TMEM272: variants seen among roughly 807,000 people sequenced by gnomAD.
TMEM272 encodes transmembrane protein 272, also known as long intergenic non-protein coding RNA 282.
Under a neutral mutation model 3.7 loss-of-function variants are expected in TMEM272, and 8 were observed. The ratio of observed to expected loss-of-function variants is 2.17; its 90% CI spans 1.27 to 3.91. The LOEUF is 3.91. TMEM272 is among the 30% of genes most tolerant of loss of function. The pLI, the probability that TMEM272 is intolerant of heterozygous loss-of-function variation, is 0.00. For synonymous variants in TMEM272, 63 were observed against 39.8 expected (o/e 1.58, Z -2.20); for missense variants, 166 against 91.5 (o/e 1.81, Z -3.32).
chr13:51,923,322 A>G, the TMEM272 span, among the ~76,000 whole-genome samples: 1 of 152,152 alleles, frequency 6.6e-6, no homozygotes, highest in East Asian at 1.9e-4. Flanking sequence ...ACCTCTCCGG[A>G]GACAGAATGC....
chr13:51,818,381 T>C (rs1956052377), intron 4 of TMEM272, among the ~76,000 whole-genome samples: 1 of 152,186 alleles, frequency 6.6e-6, no homozygotes, highest in African/African-American at 2.4e-5. Context: ...TTGTTCCATT[T>C]AAAATTTTGG....
the TMEM272 span, among the ~76,000 whole-genome samples, chr13:51,894,913 G>C: frequency 2.0e-5 from 3 of 151,938 alleles, no homozygotes; most frequent in Admixed American, 2.0e-4. Context: ...GGTCCCATCT[G>C]GGGGTCATGG....
chr13:51,861,435 G>A, the TMEM272 span, among the ~76,000 whole-genome samples: 29 of 152,000 alleles, frequency 1.9e-4, 1 homozygote, highest in Admixed American at 1.9e-3. Context: ...TTTACTACAT[G>A]ACAAAAATTC....
intron 3 of TMEM272, 115 bp from the exon 4 acceptor site, chr13:51,822,252 T>C: frequency 4.9e-6 from 3 of 606,882 alleles, no homozygotes; most frequent in Admixed American, 2.9e-5. Flanking sequence ...GCAAACCATA[T>C]GCTTGTGGGA....
chr13:51,826,382 G>A (rs1030212631), intron 3 of TMEM272, among the ~76,000 whole-genome samples, 184 bp downstream of exon 3: 4 of 152,128 alleles, frequency 2.6e-5, no homozygotes, highest in African/African-American at 4.8e-5. Flanking sequence ...CCAGGGCGGG[G>A]CCCAGGAATG....
the TMEM272 span, among the ~76,000 whole-genome samples, chr13:51,856,137 A>G: frequency 6.6e-6 from 1 of 152,204 alleles, no homozygotes; most frequent in South Asian, 2.1e-4. Context: ...AGTGTTGAAA[A>G]TGATTCACAT....
Position 51,822,783 on chromosome 13 carries a change from G to A in TMEM272, c.119-646C>T, listed in dbSNP as rs375961270. On this transcript the variant is annotated intron_variant, in intron 3 of 4. Coordinates refer to ENST00000629372, the MANE Select transcript of TMEM272 (RefSeq NM_001351003.2). ...GAGTACTACCAAGCCAGCCTACCCA[G>A]TCTACCCTTTCTTAATGGTAGTTTT... Among the ~76,000 whole-genome samples, 43 of 152,326 alleles carry A rather than the reference G, an allele frequency of 2.8e-4. No individual in the cohort carries two copies. The East Asian group carries it at 4.4e-3, about 16-fold the overall frequency.
At chr13:51,883,246 C>T in the TMEM272 span, among the ~76,000 whole-genome samples, 138,263 of 152,242 alleles carry the variant, frequency 0.91, 63,097 homozygotes, top group East Asian at 0.97. Context: ...AATGGGGGCA[C>T]GTTACAGCTC....
chr13:51,856,669 C>G, the TMEM272 span, among the ~76,000 whole-genome samples: 8 of 152,044 alleles, frequency 5.3e-5, no homozygotes, highest in African/African-American at 1.9e-4. Context: ...CTTCAAATCC[C>G]AAGCATGAAA....
upstream of TMEM272, among the ~76,000 whole-genome samples, chr13:51,846,281 C>T (rs1476472834): frequency 1.3e-5 from 2 of 152,164 alleles, no homozygotes; most frequent in African/African-American, 4.8e-5. Flanking sequence ...ATGTTTCAGT[C>T]AATGATGGAC....
the TMEM272 span, among the ~76,000 whole-genome samples, chr13:51,907,972 G>A: frequency 6.6e-6 from 1 of 152,176 alleles, no homozygotes; most frequent in African/African-American, 2.4e-5. Context: ...TCCCACTACT[G>A]TTTAGATAAT....
the TMEM272 span, among the ~76,000 whole-genome samples, chr13:51,869,381 A>G: frequency 6.6e-6 from 1 of 152,148 alleles, no homozygotes; most frequent in African/African-American, 2.4e-5. Flanking sequence ...TTGTCCCTTT[A>G]AACGGTATCA....
chr13:51,928,042 G>A, the TMEM272 span, among the ~76,000 whole-genome samples: 1 of 152,080 alleles, frequency 6.6e-6, no homozygotes, highest in Non-Finnish European at 1.5e-5. Context: ...GTCTTCCACT[G>A]GACCCAGGGC....
the TMEM272 span, among the ~76,000 whole-genome samples, chr13:51,889,236 A>T: frequency 4.6e-5 from 7 of 152,232 alleles, no homozygotes. Context: ...AGGCTTTTCT[A>T]AAAGTATTCA....
At chr13:51,828,101 GAC>G (rs1012975444) in intron 2 of TMEM272, among the ~76,000 whole-genome samples, 22 of 152,284 alleles carry the variant, frequency 1.4e-4, no homozygotes, top group Non-Finnish European at 2.2e-4. Flanking sequence ...GGTCCTCAGA[GAC>G]ATTCATCACC....
chr13:51,909,458 T>G, the TMEM272 span: 2 of 885,572 alleles, frequency 2.3e-6, no homozygotes, highest in Non-Finnish European at 3.7e-6. Flanking sequence ...TTTCATTTTC[T>G]TGATATAACT....
At chr13:51,875,593 C>T in the TMEM272 span, among the ~76,000 whole-genome samples, 12 of 152,328 alleles carry the variant, frequency 7.9e-5, no homozygotes, top group South Asian at 2.5e-3. Context: ...CTACCCCTCT[C>T]CAGACCCACT....
At chr13:51,895,025 T>G in the TMEM272 span, among the ~76,000 whole-genome samples, 1 of 152,070 alleles carries the variant, frequency 6.6e-6, no homozygotes, top group African/African-American at 2.4e-5. Flanking sequence ...CCTATGAGAA[T>G]CTAATGCCAC....
chr13:51,896,626 G>A, the TMEM272 span, among the ~76,000 whole-genome samples: 1 of 152,106 alleles, frequency 6.6e-6, no homozygotes, highest in Non-Finnish European at 1.5e-5. Context: ...AGCCTGTTGC[G>A]ACCACCAGAG....
Sources: gnomAD v4.1 joint callset for allele counts (sites outside exome capture counted in the v4.1 genomes callset) on GRCh38, gnomAD v4.1.1 for gene constraint, MANE v1.5 for transcripts, NCBI Gene and HGNC (gene_info 2026-07-23, HGNC 2026-07-21) for gene names.